Variants in LYRM4 observed in about 807,000 individuals in gnomAD.
LYRM4 encodes LYR motif-containing protein 4.
A neutral mutation model predicts 11.7 loss-of-function variants in LYRM4; 9 were observed. The ratio of observed to expected loss-of-function variants is 0.77; its 90% confidence interval spans 0.46 to 1.34. The LOEUF is 1.34. Among genes scored for constraint, LYRM4 ranks in the 40% most tolerant of loss-of-function variants. The pLI is 0.00. For missense variants in LYRM4, 133 were observed against 112.5 expected (o/e 1.18, Z -0.82); for synonymous variants, 42 against 40.4 (o/e 1.04, Z -0.15).
chr6:5,128,580 C>T (rs1243898128), intron 2 of LYRM4, among the ~76,000 whole-genome samples: 1 of 152,178 alleles, frequency 6.6e-6, no homozygotes, highest in Non-Finnish European at 1.5e-5. Context: ...GATTTCAGTG[C>T]CCCTTGAGAG....
chr6:5,118,784 A>C (rs560267653), intron 2 of LYRM4, among the ~76,000 whole-genome samples: 1 of 152,388 alleles, frequency 6.6e-6, no homozygotes, highest in East Asian at 1.9e-4. Flanking sequence ...TATAGCAGCA[A>C]GAAGTATTGT....
At chr6:5,086,319 G>A in the LYRM4 span, 1 of 1,535,748 alleles carries the variant, frequency 6.5e-7, no homozygotes, top group Non-Finnish European at 8.7e-7. Context: ...AGCAGCCAGA[G>A]GCACCGTCTG....
chr6:5,230,788 C>T (rs1354129420), intron 1 of LYRM4, among the ~76,000 whole-genome samples: 1 of 152,114 alleles, frequency 6.6e-6, no homozygotes, highest in Non-Finnish European at 1.5e-5. Flanking sequence ...AGCTATTAGT[C>T]ACTGGCAACA....
At chr6:5,152,434 G>C (rs1758140463) in intron 2 of LYRM4, among the ~76,000 whole-genome samples, 1 of 152,076 alleles carries the variant, frequency 6.6e-6, no homozygotes, top group Non-Finnish European at 1.5e-5. Context: ...ATTAAATAGG[G>C]GGCGAGAGCT....
In LYRM4 at chr6:5,150,720, G is replaced by A. The variant is rs117662895; in HGVS notation, c.208-41229C>T. Among the ~76,000 whole-genome samples, 39 of 152,298 alleles carry A rather than the reference G, an allele frequency of 2.6e-4. No individual in the cohort carries two copies. The East Asian group carries it at 3.9e-3, about 15-fold the overall frequency. On this transcript the variant is annotated intron_variant, in intron 2 of 2. Coordinates refer to ENST00000330636, the MANE Select transcript of LYRM4 (RefSeq NM_020408.6). ...GAGCCTCCAGCTCTCCCCTGCAAGCGTGTAACCGCTGCATGCTCAGGCTCT... is the reference window on the plus strand; with the variant it reads ...GAGCCTCCAGCTCTCCCCTGCAAGCATGTAACCGCTGCATGCTCAGGCTCT...
At chr6:5,255,484 T>A (rs532113814) in intron 1 of LYRM4, among the ~76,000 whole-genome samples, 48 of 143,174 alleles carry the variant, frequency 3.4e-4, no homozygotes, top group Non-Finnish European at 7.5e-5. Context: ...CACTTTAAAA[T>A]AGGTGTTTTT....
intron 2 of LYRM4, among the ~76,000 whole-genome samples, chr6:5,124,395 T>G (rs1763607579): frequency 6.6e-6 from 1 of 152,224 alleles, no homozygotes; most frequent in Non-Finnish European, 1.5e-5. Context: ...CTTCCTAGTT[T>G]TTAGAAAATT....
chr6:5,074,843 A>C, the LYRM4 span, among the ~76,000 whole-genome samples: 1 of 152,004 alleles, frequency 6.6e-6, no homozygotes, highest in African/African-American at 2.4e-5. Flanking sequence ...GTGCTGATAT[A>C]GTTTGGCTGT....
At chr6:5,091,100 A>T in the LYRM4 span, among the ~76,000 whole-genome samples, 2 of 152,240 alleles carry the variant, frequency 1.3e-5, no homozygotes, top group Admixed American at 6.5e-5. Flanking sequence ...TGGAAACTCA[A>T]CTGGCAACAC....
intron 1 of LYRM4, chr6:5,236,349 C>CAGCT (rs1763541597): frequency 6.6e-6 from 1 of 151,958 alleles, no homozygotes; most frequent in South Asian, 2.1e-4. Context: ...CCTGTAATCC[C>CAGCT]AGCTACTCGG....
intron 1 of LYRM4, chr6:5,218,557 GT>G: frequency 5.4e-6 from 1 of 186,230 alleles, no homozygotes; most frequent in Non-Finnish European, 1.0e-5. Context: ...GAAGGGAAGA[GT>G]TTAGGAACCG....
intron 2 of LYRM4, among the ~76,000 whole-genome samples, chr6:5,145,468 G>T (rs921247189): frequency 1.3e-5 from 2 of 152,260 alleles, no homozygotes; most frequent in Middle Eastern, 6.8e-3. Context: ...ATTTCCCTTG[G>T]TGACTCCGGA....
intron 1 of LYRM4, among the ~76,000 whole-genome samples, chr6:5,242,835 G>A (rs988931879): frequency 6.1e-5 from 9 of 147,692 alleles, no homozygotes; most frequent in East Asian, 2.0e-4. Flanking sequence ...CTGCAGTGGC[G>A]CAATCTCGGC....
intron 2 of LYRM4, among the ~76,000 whole-genome samples, chr6:5,118,094 A>ATATATATATATTTTTT: frequency 0.088 from 7,121 of 80,708 alleles, 403 homozygotes; most frequent in East Asian, 0.17. Context: ...ATATATATAT[A>ATATATATATATTTTTT]TTTTTGTTTT....
chr6:5,073,026 T>C, the LYRM4 span, among the ~76,000 whole-genome samples: 2 of 152,182 alleles, frequency 1.3e-5, no homozygotes, highest in African/African-American at 2.4e-5. Flanking sequence ...TATATTTTTG[T>C]AGGAAAATTT....
At chr6:5,070,919 C>T in the LYRM4 span, among the ~76,000 whole-genome samples, 973 of 146,206 alleles carry the variant, frequency 6.7e-3, 16 homozygotes, top group African/African-American at 0.023. Flanking sequence ...CTGCTGGGTG[C>T]GGTGGCTCAC....
rs77553286 is a variant in LYRM4 at position 5,214,353 on chromosome 6, A to G, written c.207+2265T>C. Among the ~76,000 whole-genome samples the G allele has an allele frequency of 2.6e-3, 395 of 152,310 alleles. 4 individuals are homozygous for G. Among genetic ancestry groups the G allele is most frequent in the African/African-American group, 9.0e-3 (376 of 41,570 alleles). ...GACTCCTCCAGGCAGGTGGTGCACAAGCATTGAGATGGGAGCAAGAAGTTC... is the reference window on the plus strand; with the variant it reads ...GACTCCTCCAGGCAGGTGGTGCACAGGCATTGAGATGGGAGCAAGAAGTTC... On this transcript the variant is annotated intron_variant, in intron 2 of 2. Transcript: ENST00000330636.
intron 1 of LYRM4, among the ~76,000 whole-genome samples, chr6:5,259,633 C>CTACCTAA (rs1024358548): frequency 1.3e-5 from 2 of 152,302 alleles, no homozygotes; most frequent in African/African-American, 4.8e-5. Flanking sequence ...GGAGGGGGGC[C>CTACCTAA]TACCTAACCA....
At chr6:5,176,067 A>T (rs2773334) in intron 2 of LYRM4, among the ~76,000 whole-genome samples, 100,266 of 148,702 alleles carry the variant, frequency 0.67, 33,869 homozygotes, top group East Asian at 0.84. Context: ...TACGCTATTA[A>T]TTTTTTTTTT....
Sources: gnomAD v4.1 joint callset for allele counts (sites outside exome capture counted in the v4.1 genomes callset) on GRCh38, gnomAD v4.1.1 for gene constraint, MANE v1.5 for transcripts, NCBI Gene and HGNC (gene_info 2026-07-23, HGNC 2026-07-21) for gene names.